Variants in ST8SIA4 observed in about 807,000 individuals in gnomAD.
ST8SIA4 encodes ST8 alpha-N-acetyl-neuraminide alpha-2,8-sialyltransferase 4.
ST8SIA4 carries 15 observed loss-of-function variants against 33.9 expected under a neutral mutation model. The observed-to-expected ratio is 0.44, with a 90% CI of 0.30 to 0.68. ST8SIA4 has a LOEUF of 0.68. Among genes scored for constraint, ST8SIA4 ranks in the 30% least tolerant of loss-of-function variants. ST8SIA4 has a pLI of 0.10. For synonymous variants in ST8SIA4, 171 were observed against 151.2 expected, an observed-to-expected ratio of 1.13 and a Z score of -0.96; for missense variants, 321 against 428.0, an observed-to-expected ratio of 0.75 and a Z score of 2.21.
chr5:100,840,707 G>A (rs1465575947), intron 4 of ST8SIA4, among the ~76,000 whole-genome samples: 2 of 151,108 alleles, frequency 1.3e-5, no homozygotes, highest in Non-Finnish European at 3.0e-5. Flanking sequence ...GGAGCTTTCT[G>A]TCTTCCTTAG....
At chr5:100,845,030 A>T (rs1458683977) in intron 4 of ST8SIA4, among the ~76,000 whole-genome samples, 1 of 152,088 alleles carries the variant, frequency 6.6e-6, no homozygotes, top group Non-Finnish European at 1.5e-5. Context: ...CTTTTGCCTT[A>T]TTCTCTAACT....
chr5:100,866,572 T>G (rs1752064302), intron 3 of ST8SIA4, among the ~76,000 whole-genome samples: 1 of 143,900 alleles, frequency 6.9e-6, no homozygotes, highest in Non-Finnish European at 1.5e-5. Flanking sequence ...GGACCTCTTC[T>G]AAATTTCACA....
In ST8SIA4 at chr5:100,807,236, A is replaced by G. The variant is rs189315139; in HGVS notation, c.*4611T>C. On this transcript the variant is annotated 3_prime_UTR_variant, in exon 5 of 5. Transcript: ENST00000231461. ...AGGGATTAATTTATTTTACAATTTT[A>G]CAAATGATAAAACAATAATACCCGG... The G allele has an allele frequency of 3.5e-4, 54 of 152,622 alleles. No individual in the cohort carries two copies. The highest frequency in any genetic ancestry group is 4.4e-4 in the Non-Finnish European group (30 of 67,960). 9.5% of individuals were successfully genotyped at this position (152,622 alleles called of 1,614,324 possible).
chr5:100,830,459 G>C (rs547365110), intron 4 of ST8SIA4, among the ~76,000 whole-genome samples: 3 of 152,186 alleles, frequency 2.0e-5, no homozygotes, highest in Non-Finnish European at 4.4e-5. Context: ...GAATAAAACA[G>C]CCAGTAGTTT....
chr5:100,888,002 G>A (rs1017929021), intron 2 of ST8SIA4, among the ~76,000 whole-genome samples: 44 of 152,026 alleles, frequency 2.9e-4, no homozygotes, highest in Admixed American at 2.2e-3. Flanking sequence ...AAGGGATATT[G>A]CCTTCCCATA....
chr5:100,847,552 A>AT (rs764143702), intron 4 of ST8SIA4, among the ~76,000 whole-genome samples: 17 of 152,110 alleles, frequency 1.1e-4, no homozygotes, highest in Non-Finnish European at 1.0e-4. Flanking sequence ...AGCAACTAAC[A>AT]TTTGAGAAAT....
At chr5:100,879,670 T>G (rs939802504) in intron 3 of ST8SIA4, among the ~76,000 whole-genome samples, 5 of 152,206 alleles carry the variant, frequency 3.3e-5, no homozygotes, top group Non-Finnish European at 5.9e-5. Context: ...ATACATTCTA[T>G]AAATTTGGAA....
intron 3 of ST8SIA4, among the ~76,000 whole-genome samples, chr5:100,867,990 T>C (rs957481486): frequency 6.6e-6 from 1 of 152,028 alleles, no homozygotes; most frequent in Non-Finnish European, 1.5e-5. Flanking sequence ...AGATTCATAC[T>C]TTGACCTAGC....
At chr5:100,851,893 A>T (rs1365774282) in intron 4 of ST8SIA4, among the ~76,000 whole-genome samples, 1 of 151,992 alleles carries the variant, frequency 6.6e-6, no homozygotes. Flanking sequence ...AGTATTTTAT[A>T]AAAATGTATT....
At chr5:100,884,658 T>A (rs1352521948) in intron 3 of ST8SIA4, among the ~76,000 whole-genome samples, 2 of 152,038 alleles carry the variant, frequency 1.3e-5, no homozygotes, top group African/African-American at 4.8e-5. Flanking sequence ...GACACACAAT[T>A]CCATGTGAGA....
intron 2 of ST8SIA4, among the ~76,000 whole-genome samples, chr5:100,889,436 G>A (rs1166003753): frequency 6.6e-6 from 1 of 151,924 alleles, no homozygotes; most frequent in Non-Finnish European, 1.5e-5. Flanking sequence ...ATGTTTGCAA[G>A]CTGCAGTGAG....
rs752703017 is a variant in ST8SIA4, at chr5:100,812,078, G to A, written c.849C>T (p.Leu283=). 4 of 1,613,976 alleles carry A rather than the reference G, an allele frequency of 2.5e-6. No homozygotes were observed. In the African/African-American group the frequency reaches 5.3e-5, roughly 22 times the overall value. Reference sequence around the variant, plus strand: ...AGAATCTTGTGGCAAGTGTATACATGAGAAGACCTGTGCTGGGTCTTTTGA... The same window carrying A: ...AGAATCTTGTGGCAAGTGTATACATAAGAAGACCTGTGCTGGGTCTTTTGA... ...VPIKRPSTGL[L]MYTLATRFCD... is the part of the protein sequence containing the mutation. Residue 283 remains leucine (L), a synonymous_variant, in exon 5 of 5, where the codon CTC becomes CTT. Transcript: ENST00000231461.
intron 1 of ST8SIA4, 52 bp downstream of exon 1, chr5:100,902,791 T>C: frequency 6.8e-7 from 1 of 1,476,652 alleles, no homozygotes; most frequent in South Asian, 1.1e-5. Flanking sequence ...TATTCACATT[T>C]CATTTATGGC....
At chr5:100,864,574 CAAAA>C (rs201029430) in intron 3 of ST8SIA4, among the ~76,000 whole-genome samples, 16 of 69,378 alleles carry the variant, frequency 2.3e-4, no homozygotes, top group Admixed American at 6.2e-4. Context: ...GACTCCGGCT[CAAAA>C]AAAAAAAAAA....
At chr5:100,848,883 G>T (rs1358865398) in intron 4 of ST8SIA4, among the ~76,000 whole-genome samples, 1 of 149,982 alleles carries the variant, frequency 6.7e-6, no homozygotes, top group Non-Finnish European at 1.5e-5. Context: ...ATATGAATGT[G>T]TAACTATGTG....
intron 4 of ST8SIA4, among the ~76,000 whole-genome samples, chr5:100,842,771 A>G (rs1751494823): frequency 6.6e-6 from 1 of 151,852 alleles, no homozygotes; most frequent in Non-Finnish European, 1.5e-5. Context: ...TTTTACTTTA[A>G]TTAAGATTCA....
At chr5:100,828,757 A>G (rs1184193913) in intron 4 of ST8SIA4, among the ~76,000 whole-genome samples, 1 of 152,190 alleles carries the variant, frequency 6.6e-6, no homozygotes, top group Non-Finnish European at 1.5e-5. Context: ...TTGAACAAGC[A>G]TTGGTTCAAG....
intron 4 of ST8SIA4, among the ~76,000 whole-genome samples, chr5:100,838,992 AT>A (rs911052856): frequency 1.1e-4 from 16 of 150,676 alleles, no homozygotes; most frequent in African/African-American, 2.7e-4. Context: ...GAGAACATTA[AT>A]TTTTTTTTCT....
Position 100,847,365 on chromosome 5 carries a change from G to A in ST8SIA4, c.797+8738C>T, listed in dbSNP as rs148981097. On this transcript the variant is annotated intron_variant, in intron 4 of 4. Transcript: ENST00000231461. ...ACTTGATTTCCTGAGGTCTATTGAT[G>A]ATGTATTTTAGCCTATAGTTTTGCT... 1.0e-2 allele frequency among the ~76,000 whole-genome samples: 1,517 copies of A among 152,056 alleles called. 10 individuals are homozygous for A. Among genetic ancestry groups the A allele is most frequent in the Non-Finnish European group, 0.014 (979 of 67,926 alleles).
Sources: gnomAD v4.1 joint callset for allele counts (sites outside exome capture counted in the v4.1 genomes callset) on GRCh38, gnomAD v4.1.1 for gene constraint, MANE v1.5 for transcripts, NCBI Gene and HGNC (gene_info 2026-07-23, HGNC 2026-07-21) for gene names.